The following CERK variants were observed in gnomAD, a reference collection of about 807,000 sequenced individuals.
CERK encodes ceramide kinase, also known as acylsphingosine kinase.
CERK carries 39 observed loss-of-function variants against 63.4 expected under a neutral mutation model. The ratio of observed to expected loss-of-function variants is 0.61; its 90% CI spans 0.48 to 0.80. The LOEUF (loss-of-function observed/expected upper bound fraction) is 0.80, where lower values mean the gene tolerates loss of function less well. CERK is among the 30% of genes least tolerant of loss of function. The probability of loss-of-function intolerance (pLI) is 0.00; values close to 1 mark genes in which losing one functional copy is unlikely to be tolerated. For synonymous variants in CERK, 302 were observed against 280.0 expected (o/e 1.08, Z -0.78); for missense variants, 670 against 714.1 (o/e 0.94, Z 0.70).
At chr22:46,701,555 C>A in intron 7 of CERK, 81 bp downstream of exon 7, 2 of 1,231,438 alleles carry the variant, frequency 1.6e-6, no homozygotes, top group Non-Finnish European at 2.3e-6. Flanking sequence ...CTGGAACACG[C>A]GACGGGGACC....
chr22:46,691,536 G>T, intron 11 of CERK, 36 bp downstream of exon 11: 1 of 1,525,062 alleles, frequency 6.6e-7, no homozygotes, highest in Non-Finnish European at 9.1e-7. Context: ...TAAATTACTC[G>T]CCAGTGGAGG....
intron 10 of CERK, among the ~76,000 whole-genome samples, chr22:46,692,046 G>T (rs1420095506): frequency 6.6e-6 from 1 of 152,178 alleles, no homozygotes; most frequent in Non-Finnish European, 1.5e-5. Flanking sequence ...TAGAACAAGG[G>T]TCAGCAAACC....
At chr22:46,697,967 G>T (rs1039600975) in intron 8 of CERK, among the ~76,000 whole-genome samples, 2 of 152,286 alleles carry the variant, frequency 1.3e-5, no homozygotes, top group South Asian at 2.1e-4. Flanking sequence ...GGTCACCGCC[G>T]CCTGGCCCGA....
At chr22:46,717,680 G>A (rs1181547813) in intron 3 of CERK, among the ~76,000 whole-genome samples, 2 of 152,262 alleles carry the variant, frequency 1.3e-5, no homozygotes, top group South Asian at 2.1e-4. Context: ...ACAGGGGCAC[G>A]GTGGGGGACC....
intron 6 of CERK, among the ~76,000 whole-genome samples, chr22:46,703,753 C>A (rs1333517098): frequency 2.0e-5 from 3 of 152,208 alleles, no homozygotes; most frequent in Non-Finnish European, 4.4e-5. Flanking sequence ...AGAGCGATAT[C>A]GGAGCAGAGT....
chr22:46,736,531 C>T lies in CERK; in HGVS notation c.142+1476G>A, dbSNP rs534488398. ...GGAAGTGCTTGGGGGAGGCAGTCAT[C>T]TTCCTGAAGCCTAGGGATTTACAAC... On this transcript the variant is annotated intron_variant, in intron 1 of 12. Coordinates refer to ENST00000216264, the MANE Select transcript of CERK (RefSeq NM_022766.6). 1.1e-4 allele frequency among the ~76,000 whole-genome samples: 16 copies of T among 152,356 alleles called. No individual in the cohort carries two copies. The Middle Eastern group carries it at 0.01, about 97-fold the overall frequency.
chr22:46,729,645 A>T (rs1256538245), intron 1 of CERK, among the ~76,000 whole-genome samples: 1 of 152,206 alleles, frequency 6.6e-6, no homozygotes, highest in African/African-American at 2.4e-5. Context: ...ACAATAAATC[A>T]GCACACCAAG....
chr22:46,689,986 A>C lies in CERK; in HGVS notation c.1541+6T>G. On this transcript the variant is annotated splice_donor_region_variant and intron_variant, in intron 12 of 12. Transcript: ENST00000216264. The stretch of plus-strand genomic sequence containing the variant: ...GCGCTGGTGGCTGGAGGACCCCTGC[A>C]CGCACCTGACCTCGATGGCAGGGCT... The C allele has an allele frequency of 1.3e-6, 2 of 1,596,470 alleles. No homozygotes were observed. Among genetic ancestry groups the C allele is most frequent in the South Asian group, 2.2e-5 (2 of 90,120 alleles).
At position 46,687,191 on chromosome 22, in the gene CERK, C is replaced by G. The variant is rs760588592; in HGVS notation, c.1557G>C (p.Leu519=). The change falls in exon 13 of 13, where the codon CTG becomes CTC. Residue 519 remains leucine (L), a synonymous_variant. Coordinates refer to ENST00000216264, the MANE Select transcript of CERK (RefSeq NM_022766.6). ...PAIEVRVHCQ[L]VRLFARGIEE... The stretch of plus-strand genomic sequence containing the variant: ...CAATTCCTCGTGCAAAGAGTCGAAC[C>G]AGCTGGCAGTGGACTCTGCAGAGAC... 5 of 1,614,094 alleles carry G rather than the reference C, an allele frequency of 3.1e-6. No homozygotes were observed. In the South Asian group the frequency reaches 3.3e-5, roughly 11 times the overall value.
chr22:46,734,063 C>CATATATATATATAT (rs1429583176), intron 1 of CERK, among the ~76,000 whole-genome samples: 12 of 100,766 alleles, frequency 1.2e-4, no homozygotes, highest in African/African-American at 4.0e-4. Flanking sequence ...TATATACATA[C>CATATATATATATAT]ATACATATAT....
In CERK at chr22:46,690,107, C is replaced by T. The variant is rs1401320054; in HGVS notation, c.1426G>A (p.Gly476Arg). 2 of 1,614,098 alleles carry T rather than the reference C, an allele frequency of 1.2e-6. No individual in the cohort carries two copies. The highest frequency in any genetic ancestry group is 1.1e-5 in the South Asian group (1 of 91,078). ...CAAATGTGCCCAAAGCGCTTCTTCC[C>T]CCCCTCCTTGAGGTCGCTGTCCTCA... ...EDEDSDLKEG[G>R]KKRFGHICSS... The change falls in exon 12 of 13, where the codon GGG becomes AGG. Residue 476 changes from glycine to arginine, a missense_variant. By Grantham distance (125) the Gly-to-Arg change is moderately radical. Coordinates refer to ENST00000216264, the MANE Select transcript of CERK (RefSeq NM_022766.6).
intron 12 of CERK, 30 bp downstream of exon 12, chr22:46,689,962 C>T (rs527304671): frequency 3.8e-5 from 59 of 1,549,192 alleles, no homozygotes; most frequent in South Asian, 8.0e-5. Flanking sequence ...AAGGGGATGG[C>T]GCTGGTGGCT....
intron 4 of CERK, 88 bp downstream of exon 4, chr22:46,712,080 C>T (rs2082843801): frequency 2.7e-6 from 4 of 1,462,804 alleles, no homozygotes; most frequent in Non-Finnish European, 3.8e-6. Context: ...GAGTGAGACA[C>T]CGTCTAGAAA....
At chr22:46,732,788 C>CA (rs781088718) in intron 1 of CERK, among the ~76,000 whole-genome samples, 2 of 152,168 alleles carry the variant, frequency 1.3e-5, no homozygotes, top group Admixed American at 6.6e-5. Context: ...AGTATCTACT[C>CA]AGACGCTCAG....
chr22:46,693,933 G>A (rs2082743633), intron 9 of CERK: 1 of 188,668 alleles, frequency 5.3e-6, no homozygotes, highest in African/African-American at 2.4e-5. Context: ...AGAACCATCA[G>A]CTTAGAACTT....
At chr22:46,731,598 G>C (rs1170005934) in intron 1 of CERK, among the ~76,000 whole-genome samples, 1 of 152,246 alleles carries the variant, frequency 6.6e-6, no homozygotes, top group Non-Finnish European at 1.5e-5. Flanking sequence ...AGTCTGGGAA[G>C]GAGGGCTGGG....
rs1223077823 is a variant in CERK, at chr22:46,695,657, T to C, written c.944-342A>G. Among the ~76,000 whole-genome samples, 4 of 152,208 alleles carry C rather than the reference T, an allele frequency of 2.6e-5. No individual in the cohort carries two copies. The East Asian group carries it at 7.7e-4, about 29-fold the overall frequency. Reference sequence around the variant, plus strand: ...CGATGATGTGGCCTGTGGGCTCCAGTGGCTCAGGGTCATCCCCTCCACCTC... The same window carrying C: ...CGATGATGTGGCCTGTGGGCTCCAGCGGCTCAGGGTCATCCCCTCCACCTC... On this transcript the variant is annotated intron_variant, in intron 8 of 12. Transcript: ENST00000216264.
intron 1 of CERK, among the ~76,000 whole-genome samples, chr22:46,725,600 C>T (rs1305723814): frequency 6.6e-6 from 1 of 152,214 alleles, no homozygotes; most frequent in Non-Finnish European, 1.5e-5. Flanking sequence ...ATTGGGGGCA[C>T]TTTCATATTC....
chr22:46,706,764 G>A lies in CERK; in HGVS notation c.715+1079C>T, dbSNP rs528946853. Among the ~76,000 whole-genome samples the A allele has an allele frequency of 2.0e-4, 31 of 152,254 alleles. 2 individuals are homozygous for A. The South Asian group carries it at 5.6e-3, about 27-fold the overall frequency. On this transcript the variant is annotated intron_variant, in intron 6 of 12. Coordinates refer to ENST00000216264, the MANE Select transcript of CERK (RefSeq NM_022766.6). ...TTATTAGTAATTCACGAGATATTAT[G>A]CTAACACAAATCCCCCTAAAATGAG... is the stretch of plus-strand genomic sequence containing the variant.
Sources: allele counts gnomAD v4.1 joint callset (sites outside exome capture counted in the v4.1 genomes callset), GRCh38; gene constraint gnomAD v4.1.1; transcripts MANE v1.5; gene names NCBI Gene and HGNC (gene_info 2026-07-23, HGNC 2026-07-21).